RIMS2: variants seen among roughly 807,000 people sequenced by gnomAD.
The protein encoded by RIMS2 is regulating synaptic membrane exocytosis protein 2.
In RIMS2, 59 loss-of-function variants were observed where a neutral mutation model predicts 174.4. The ratio of observed to expected loss-of-function variants is 0.34; its 90% CI spans 0.27 to 0.42. RIMS2 has a LOEUF of 0.42. Among genes scored for constraint, RIMS2 ranks in the 10% least tolerant of loss-of-function variants. RIMS2 has a pLI of 1.00. For missense variants in RIMS2, 1,620 were observed against 1,666.3 expected, an observed-to-expected ratio of 0.97 and a Z score of 0.48; for synonymous variants, 606 against 572.5, an observed-to-expected ratio of 1.06 and a Z score of -0.84.
At chr8:103,811,753 G>A (rs1011615413) in intron 3 of RIMS2, among the ~76,000 whole-genome samples, 3 of 152,190 alleles carry the variant, frequency 2.0e-5, no homozygotes, top group Non-Finnish European at 4.4e-5. Context: ...GCTGTTGCGA[G>A]GTTTTAGGTG....
chr8:103,624,934 TG>T (rs2095743517), intron 1 of RIMS2, among the ~76,000 whole-genome samples: 1 of 152,222 alleles, frequency 6.6e-6, no homozygotes. Context: ...AGCCCCTTTT[TG>T]GCAGAAGAAT....
intron 5 of RIMS2, among the ~76,000 whole-genome samples, chr8:103,911,035 A>G (rs2075576036): frequency 6.6e-6 from 1 of 152,062 alleles, no homozygotes; most frequent in Non-Finnish European, 1.5e-5. Context: ...ATAGCATTTT[A>G]ATGTGGTATT....
chr8:103,512,946 A>T (rs1009115135), intron 1 of RIMS2, among the ~76,000 whole-genome samples: 1 of 151,824 alleles, frequency 6.6e-6, no homozygotes, highest in Non-Finnish European at 1.5e-5. Flanking sequence ...TCAGCAGGAA[A>T]TTTTTTTTTG....
At chr8:103,712,072 G>A (rs937214053) in intron 2 of RIMS2, among the ~76,000 whole-genome samples, 1 of 151,618 alleles carries the variant, frequency 6.6e-6, no homozygotes, top group Non-Finnish European at 1.5e-5. Context: ...GCTCACTGGA[G>A]GCTTGAACTC....
chr8:103,898,045 C>G (rs1016443790), intron 4 of RIMS2, among the ~76,000 whole-genome samples: 1 of 151,532 alleles, frequency 6.6e-6, no homozygotes, highest in Non-Finnish European at 1.5e-5. Flanking sequence ...GTGGTAGGTA[C>G]AAGAGGTAAT....
intron 1 of RIMS2, among the ~76,000 whole-genome samples, chr8:103,644,478 AG>A (rs1292318960): frequency 1.3e-5 from 2 of 152,106 alleles, no homozygotes; most frequent in Non-Finnish European, 2.9e-5. Flanking sequence ...GGACGAATGT[AG>A]GAGTTCACTG....
intron 19 of RIMS2, among the ~76,000 whole-genome samples, chr8:104,082,511 C>T (rs953871225): frequency 2.0e-5 from 3 of 151,952 alleles, no homozygotes; most frequent in Admixed American, 6.6e-5. Context: ...AAAGTTATGG[C>T]GTTACATGAG....
chr8:103,607,262 G>A (rs1434193797), intron 1 of RIMS2, among the ~76,000 whole-genome samples: 2 of 151,922 alleles, frequency 1.3e-5, no homozygotes, highest in Non-Finnish European at 2.9e-5. Context: ...CACTTATGAA[G>A]CTTAGTTTGG....
intron 19 of RIMS2, among the ~76,000 whole-genome samples, chr8:104,117,625 A>T (rs1179644084): frequency 2.6e-5 from 4 of 152,174 alleles, no homozygotes; most frequent in Non-Finnish European, 5.9e-5. Context: ...TACAGGCATG[A>T]CCTACCACAC....
rs192750072 is a variant in RIMS2 at position 104,108,260 on chromosome 8, G to A, written c.3334+93645G>A. Among the ~76,000 whole-genome samples the A allele has an allele frequency of 1.7e-3, 253 of 151,968 alleles. 1 individual carries two copies. The highest frequency in any genetic ancestry group is 3.4e-3 in the Middle Eastern group (1 of 294). On this transcript the variant is annotated intron_variant, in intron 19 of 23. Coordinates refer to ENST00000504942, the Ensembl canonical transcript of RIMS2. The stretch of plus-strand genomic sequence containing the variant: ...TCTTTTTTTTATTTAAGAGACAAGG[G>A]TCTTGTTTTATCATCCAGGCTGTAT...
intron 19 of RIMS2, among the ~76,000 whole-genome samples, chr8:104,047,232 T>A (rs1047029689): frequency 2.0e-5 from 3 of 152,090 alleles, no homozygotes; most frequent in African/African-American, 4.8e-5. Flanking sequence ...TAAAATTTTG[T>A]CTACATTGGA....
intron 10 of RIMS2, 155 bp downstream of exon 13, chr8:103,921,939 G>A (rs1264408356): frequency 6.9e-6 from 3 of 433,400 alleles, no homozygotes; most frequent in Non-Finnish European, 1.2e-5. Flanking sequence ...ATCCAATTTT[G>A]ATTATTTATC....
At chr8:103,555,085 G>A (rs1849792573) in intron 1 of RIMS2, among the ~76,000 whole-genome samples, 1 of 152,090 alleles carries the variant, frequency 6.6e-6, no homozygotes, top group Non-Finnish European at 1.5e-5. Context: ...CATGTACTGT[G>A]CTTATTACTT....
intron 4 of RIMS2, among the ~76,000 whole-genome samples, chr8:103,904,314 C>A (rs960718731): frequency 2.6e-5 from 4 of 151,996 alleles, no homozygotes; most frequent in Non-Finnish European, 5.9e-5. Flanking sequence ...AGATATACCA[C>A]AACTATTAAT....
chr8:103,628,709 G>C (rs182170957), intron 1 of RIMS2, among the ~76,000 whole-genome samples: 1 of 147,398 alleles, frequency 6.8e-6, no homozygotes, highest in African/African-American at 2.5e-5. Context: ...CCCCAACATG[G>C]GCACTAAAGA....
At chr8:103,965,771 C>G (rs1197909279) in intron 15 of RIMS2, among the ~76,000 whole-genome samples, 1 of 151,986 alleles carries the variant, frequency 6.6e-6, no homozygotes, top group Non-Finnish European at 1.5e-5. Context: ...ATGATGTTAG[C>G]TGTAGGTTTT....
chr8:104,217,906 A>T (rs1290060235), intron 19 of RIMS2, among the ~76,000 whole-genome samples: 1 of 152,222 alleles, frequency 6.6e-6, no homozygotes, highest in Non-Finnish European at 1.5e-5. Flanking sequence ...ACAGCAAAAA[A>T]TAAAAAATAA....
intron 19 of RIMS2, among the ~76,000 whole-genome samples, chr8:104,208,791 C>A (rs1234831206): frequency 6.6e-6 from 1 of 152,108 alleles, no homozygotes; most frequent in East Asian, 1.9e-4. Flanking sequence ...GCTTGAAAAA[C>A]CTCCCAAAGT....
At chr8:103,883,840 C>T (rs1357273916) in intron 3 of RIMS2, among the ~76,000 whole-genome samples, 2 of 151,794 alleles carry the variant, frequency 1.3e-5, no homozygotes, top group Non-Finnish European at 2.9e-5. Context: ...ATTGGCCACC[C>T]TGATGCTGTA....
Sources: allele counts gnomAD v4.1 joint callset (sites outside exome capture counted in the v4.1 genomes callset), GRCh38; gene constraint gnomAD v4.1.1; transcripts MANE v1.5; gene names NCBI Gene and HGNC (gene_info 2026-07-23, HGNC 2026-07-21).